The following KIAA1217 variants were observed in gnomAD, a reference collection of about 807,000 sequenced individuals.
KIAA1217 encodes sickle tail protein homolog.
KIAA1217 carries 88 observed loss-of-function variants against 163.9 expected under a neutral mutation model. The observed-to-expected ratio is 0.54, with a 90% confidence interval of 0.45 to 0.64. KIAA1217 has a LOEUF of 0.64. Among genes scored for constraint, KIAA1217 ranks in the 30% least tolerant of loss-of-function variants. The probability of loss-of-function intolerance (pLI) is 0.00; values close to 1 mark genes in which losing one functional copy is unlikely to be tolerated. For synonymous variants in KIAA1217, 903 were observed against 923.1 expected (o/e 0.98, Z 0.39); for missense variants, 2,372 against 2,475.0 (o/e 0.96, Z 0.88).
At chr10:24,476,234 C>T (rs568840112) in intron 6 of KIAA1217, among the ~76,000 whole-genome samples, 12 of 152,312 alleles carry the variant, frequency 7.9e-5, no homozygotes, top group South Asian at 6.2e-4. Flanking sequence ...GTGATTACCA[C>T]GCACACACAA....
intron 1 of KIAA1217, among the ~76,000 whole-genome samples, chr10:23,810,100 G>A (rs745467386): frequency 9.9e-5 from 15 of 151,784 alleles, no homozygotes; most frequent in Admixed American, 2.0e-4. Flanking sequence ...GCTAAGCTAT[G>A]ATGTTCCATA....
intron 1 of KIAA1217, among the ~76,000 whole-genome samples, chr10:23,852,000 C>T (rs993392556): frequency 6.6e-6 from 1 of 151,934 alleles, no homozygotes; most frequent in African/African-American, 2.4e-5. Flanking sequence ...TTTTGCTGTG[C>T]AGAAGCTCTT....
At chr10:24,070,786 C>T (rs536582909) in intron 2 of KIAA1217, among the ~76,000 whole-genome samples, 23 of 151,910 alleles carry the variant, frequency 1.5e-4, no homozygotes, top group Middle Eastern at 6.8e-3. Flanking sequence ...GGAAAGGTTG[C>T]GAAAAGGGGA....
chr10:24,248,733 T>C (rs1001544474), intron 2 of KIAA1217, among the ~76,000 whole-genome samples: 2 of 151,318 alleles, frequency 1.3e-5, no homozygotes, highest in African/African-American at 4.9e-5. Context: ...CTTGCTAATT[T>C]GCTGAGGGTT....
At chr10:23,832,794 G>C (rs1838272307) in intron 1 of KIAA1217, among the ~76,000 whole-genome samples, 1 of 152,116 alleles carries the variant, frequency 6.6e-6, no homozygotes, top group South Asian at 2.1e-4. Context: ...CTGAGATTAG[G>C]CAATTTACAA....
At chr10:24,174,889 C>T (rs896801413) in intron 2 of KIAA1217, among the ~76,000 whole-genome samples, 2 of 151,800 alleles carry the variant, frequency 1.3e-5, no homozygotes, top group African/African-American at 2.4e-5. Flanking sequence ...ATGGAGTCTC[C>T]CTCTGTCACC....
intron 2 of KIAA1217, among the ~76,000 whole-genome samples, chr10:24,157,128 G>A (rs766687266): frequency 4.6e-5 from 7 of 152,120 alleles, no homozygotes; most frequent in Admixed American, 3.9e-4. Context: ...CATTCTTAGC[G>A]ATAGCATATG....
At chr10:24,248,799 T>C (rs2074150266) in intron 2 of KIAA1217, among the ~76,000 whole-genome samples, 1 of 152,028 alleles carries the variant, frequency 6.6e-6, no homozygotes, top group Non-Finnish European at 1.5e-5. Context: ...TGTATAGCTA[T>C]GATTCAGTTT....
At chr10:24,142,515 C>T (rs1294448905) in intron 2 of KIAA1217, among the ~76,000 whole-genome samples, 2 of 152,084 alleles carry the variant, frequency 1.3e-5, no homozygotes, top group South Asian at 2.1e-4. Context: ...CCACACTATT[C>T]GAGTGATGAG....
At chr10:24,474,450 A>G (rs2133095195) in intron 6 of KIAA1217, among the ~76,000 whole-genome samples, 1 of 152,326 alleles carries the variant, frequency 6.6e-6, no homozygotes, top group Admixed American at 6.5e-5. Flanking sequence ...GAAAATAAGG[A>G]GTGAGTGTTT....
At chr10:24,271,232 A>G (rs1334297788) in intron 2 of KIAA1217, among the ~76,000 whole-genome samples, 1 of 152,160 alleles carries the variant, frequency 6.6e-6, no homozygotes, top group African/African-American at 2.4e-5. Flanking sequence ...TGTCATTCTG[A>G]AAGGAAAAAT....
chr10:24,162,458 G>A (rs1458682463), intron 2 of KIAA1217, among the ~76,000 whole-genome samples: 1 of 152,202 alleles, frequency 6.6e-6, no homozygotes, highest in African/African-American at 2.4e-5. Flanking sequence ...TCATCCCTGT[G>A]GCAGAGCCTG....
intron 2 of KIAA1217, among the ~76,000 whole-genome samples, chr10:24,315,923 A>T (rs2043289761): frequency 1.0e-5 from 1 of 98,630 alleles, no homozygotes; most frequent in African/African-American, 4.5e-5. Flanking sequence ...TCTTTATTTT[A>T]TCTAATGGGG....
At chr10:24,367,713 A>G (rs2050979247) in intron 2 of KIAA1217, among the ~76,000 whole-genome samples, 1 of 152,212 alleles carries the variant, frequency 6.6e-6, no homozygotes, top group South Asian at 2.1e-4. Flanking sequence ...TAATGATCAT[A>G]ATGGAAATAA....
At chr10:24,484,239 A>ATTTTTT (rs1554896420) in intron 6 of KIAA1217, among the ~76,000 whole-genome samples, 2 of 86,198 alleles carry the variant, frequency 2.3e-5, no homozygotes, top group Non-Finnish European at 4.6e-5. Flanking sequence ...ATATATATAT[A>ATTTTTT]TATTTTTTTT....
chr10:24,336,051 GC>G (rs1309987921), intron 2 of KIAA1217, among the ~76,000 whole-genome samples: 1 of 152,182 alleles, frequency 6.6e-6, no homozygotes, highest in Non-Finnish European at 1.5e-5. Context: ...GACCAGCCTG[GC>G]CAACATGGTG....
intron 3 of KIAA1217, among the ~76,000 whole-genome samples, chr10:24,383,749 G>A (rs1591486342): frequency 6.6e-6 from 1 of 152,236 alleles, no homozygotes; most frequent in Non-Finnish European, 1.5e-5. Context: ...TCCAGAAAAT[G>A]AGGCTGGCAC....
chr10:24,133,869 G>T (rs775522945), intron 2 of KIAA1217, among the ~76,000 whole-genome samples: 2 of 152,158 alleles, frequency 1.3e-5, no homozygotes, highest in Admixed American at 6.5e-5. Flanking sequence ...TGTGAAAATA[G>T]AACTTTTTCT....
chr10:24,010,860 G>A (rs1041600642), intron 2 of KIAA1217, among the ~76,000 whole-genome samples: 1 of 152,034 alleles, frequency 6.6e-6, no homozygotes, highest in Non-Finnish European at 1.5e-5. Context: ...GGTTCCAGCT[G>A]GTCATGGAAG....
Sources: allele counts gnomAD v4.1 joint callset (sites outside exome capture counted in the v4.1 genomes callset), GRCh38; gene constraint gnomAD v4.1.1; transcripts MANE v1.5; gene names NCBI Gene and HGNC (gene_info 2026-07-23, HGNC 2026-07-21).